LIPA: variants seen among roughly 807,000 people sequenced by gnomAD.
LIPA encodes the protein lysosomal acid lipase/cholesteryl ester hydrolase.
A neutral mutation model predicts 40.6 loss-of-function variants in LIPA; 26 were observed. The ratio of observed to expected loss-of-function variants is 0.64; its 90% confidence interval spans 0.47 to 0.89. The LOEUF is 0.89. LIPA is among the 40% of genes least tolerant of loss of function. LIPA has a pLI of 0.00. For missense variants in LIPA, 455 were observed against 479.6 expected, an observed-to-expected ratio of 0.95 and a Z score of 0.48; for synonymous variants, 188 against 168.4, an observed-to-expected ratio of 1.12 and a Z score of -0.90.
At chr10:89,315,122 C>T (rs192726725) in intron 1 of LIPA, among the ~76,000 whole-genome samples, 2 of 152,248 alleles carry the variant, frequency 1.3e-5, no homozygotes, top group African/African-American at 4.8e-5. Flanking sequence ...AACAGAGGTG[C>T]TATTTGTTCT....
Position 89,271,839 on chromosome 10 carries a change from A to G in LIPA, c.-1-24190T>C, listed in dbSNP as rs113647317. 5.3e-5 allele frequency among the ~76,000 whole-genome samples: 8 copies of G among 152,214 alleles called. 1 individual carries two copies. The highest frequency in any genetic ancestry group is 1.9e-4 in the African/African-American group (8 of 41,540). ...CAGTTTGGGAGGCCAAAGCCGGCAG[A>G]TCATTTGAGCCTCAGGGGTTTGAGA... On this transcript the variant is annotated intron_variant, in intron 1 of 5. Transcript: ENST00000282673.
chr10:89,331,214 C>T (rs909226610), intron 1 of LIPA, among the ~76,000 whole-genome samples: 5 of 152,124 alleles, frequency 3.3e-5, no homozygotes, highest in Non-Finnish European at 7.4e-5. Context: ...ACTCTGTCAC[C>T]CAGGCTGGAG....
chr10:89,275,847 G>A (rs1843286772), intron 1 of LIPA, among the ~76,000 whole-genome samples: 1 of 152,132 alleles, frequency 6.6e-6, no homozygotes, highest in Admixed American at 6.5e-5. Flanking sequence ...GGGCTATCAG[G>A]TGACTTGATG....
intron 7 of LIPA, 133 bp downstream of exon 7, chr10:89,223,551 T>C (rs1842727338): frequency 1.1e-5 from 9 of 806,230 alleles, no homozygotes; most frequent in South Asian, 9.4e-5. Context: ...CCAAAGTTCA[T>C]GCTTGTGCCT....
chr10:89,304,170 G>A (rs1286534998), intron 1 of LIPA, among the ~76,000 whole-genome samples: 1 of 152,168 alleles, frequency 6.6e-6, no homozygotes, highest in Non-Finnish European at 1.5e-5. Context: ...AAATAGGCAG[G>A]AGTTTATAGG....
At chr10:89,337,054 C>T (rs925317141) in intron 1 of LIPA, among the ~76,000 whole-genome samples, 2 of 152,172 alleles carry the variant, frequency 1.3e-5, no homozygotes, top group Non-Finnish European at 2.9e-5. Flanking sequence ...TTCATTCTGT[C>T]TGGGAATCTG....
At chr10:89,413,087 A>G (rs1489217477) in intron 1 of LIPA, among the ~76,000 whole-genome samples, 1 of 152,110 alleles carries the variant, frequency 6.6e-6, no homozygotes, top group Non-Finnish European at 1.5e-5. Flanking sequence ...GCTCCCACTT[A>G]CAAGTGAGAA....
intron 6 of LIPA, 21 bp from the exon 7 acceptor site, chr10:89,223,851 C>T (rs1447129340): frequency 3.1e-6 from 5 of 1,613,224 alleles, no homozygotes; most frequent in Admixed American, 3.3e-5. Context: ...AAAAGAAACC[C>T]AAGAACATCT....
At chr10:89,326,355 T>G (rs1843599378) in intron 1 of LIPA, among the ~76,000 whole-genome samples, 1 of 151,746 alleles carries the variant, frequency 6.6e-6, no homozygotes, top group South Asian at 2.1e-4. Flanking sequence ...ATTTTACATA[T>G]TCTCACTTGT....
At chr10:89,390,220 A>C (rs542654997) in intron 2 of LIPA, among the ~76,000 whole-genome samples, 2 of 152,212 alleles carry the variant, frequency 1.3e-5, no homozygotes, top group Admixed American at 1.3e-4. Flanking sequence ...TCCCAACCTC[A>C]GGTGATCCGC....
At position 89,225,186 on chromosome 10, in the gene LIPA, A is replaced by C; in HGVS notation, c.581T>G (p.Ile194Ser). ...AGGACCCAGGGCAAAAAACATTTTA[A>C]TCCTTTTAGCCAGCTCAGGGATCTG... ...FSQIPELAKR[I>S]KMFFALGPVA... Residue 194 changes from isoleucine (I) to serine (S), a missense_variant, in exon 6 of 10, where the codon ATT (isoleucine) becomes AGT (serine). By Grantham distance (142) the Ile-to-Ser change is moderately radical. Transcript: ENST00000336233. The C allele has an allele frequency of 6.2e-7, 1 of 1,614,196 alleles. No individual in the cohort carries two copies. The highest frequency in any genetic ancestry group is 8.5e-7 in the Non-Finnish European group (1 of 1,180,028).
intron 2 of LIPA, among the ~76,000 whole-genome samples, chr10:89,391,864 T>C (rs1000896582): frequency 1.3e-5 from 2 of 152,142 alleles, no homozygotes; most frequent in African/African-American, 4.8e-5. Flanking sequence ...CTGAAAATAA[T>C]AATAATAATA....
intron 3 of LIPA, among the ~76,000 whole-genome samples, chr10:89,237,405 T>G (rs1293163534): frequency 6.6e-6 from 1 of 152,206 alleles, no homozygotes; most frequent in Non-Finnish European, 1.5e-5. Context: ...GAGGAAAATG[T>G]ATCTGCCTGA....
At chr10:89,319,334 AAG>A (rs1452787277) in intron 1 of LIPA, among the ~76,000 whole-genome samples, 1 of 152,238 alleles carries the variant, frequency 6.6e-6, no homozygotes, top group African/African-American at 2.4e-5. Context: ...TAAAGAAGAA[AAG>A]AGAGAAGAAT....
chr10:89,288,557 C>G (rs1843353907), intron 1 of LIPA, among the ~76,000 whole-genome samples: 1 of 152,120 alleles, frequency 6.6e-6, no homozygotes, highest in Admixed American at 6.6e-5. Flanking sequence ...GGCCCCCACC[C>G]CCATGACTGT....
At chr10:89,252,997 C>T (rs1015818158), upstream of LIPA, among the ~76,000 whole-genome samples, 1 of 152,062 alleles carries the variant, frequency 6.6e-6, no homozygotes, top group African/African-American at 2.4e-5. Context: ...GGGTCCTAGC[C>T]AGAGTGGTGA....
chr10:89,402,055 C>T (rs1306442999), intron 2 of LIPA, among the ~76,000 whole-genome samples: 1 of 152,178 alleles, frequency 6.6e-6, no homozygotes, highest in Non-Finnish European at 1.5e-5. Context: ...AAATAGGACT[C>T]ATAAGTACAG....
intron 1 of LIPA, among the ~76,000 whole-genome samples, chr10:89,250,160 C>A (rs1168752098): frequency 7.2e-6 from 1 of 139,196 alleles, no homozygotes; most frequent in Non-Finnish European, 1.5e-5. Flanking sequence ...AGTACAGTGG[C>A]GAGATCTTGG....
chr10:89,329,053 T>C (rs1424056335), intron 1 of LIPA, among the ~76,000 whole-genome samples: 1 of 152,180 alleles, frequency 6.6e-6, no homozygotes, highest in African/African-American at 2.4e-5. Flanking sequence ...CCTGGAGTTC[T>C]TCAGGGGATA....
Sources: allele counts gnomAD v4.1 joint callset (sites outside exome capture counted in the v4.1 genomes callset), GRCh38; gene constraint gnomAD v4.1.1; transcripts MANE v1.5; gene names NCBI Gene and HGNC (gene_info 2026-07-23, HGNC 2026-07-21).